The following C12orf42 variants were observed in gnomAD, a reference collection of about 807,000 sequenced individuals.
C12orf42 encodes chromosome 12 open reading frame 42.
Under a neutral mutation model 21.6 loss-of-function variants are expected in C12orf42, and 25 were observed. The observed-to-expected ratio is 1.16, with a 90% confidence interval of 0.84 to 1.62. C12orf42 has a LOEUF of 1.62. Among genes scored for constraint, C12orf42 ranks in the 40% most tolerant of loss-of-function variants. C12orf42 has a pLI of 0.00. For missense variants in C12orf42, 483 were observed against 459.3 expected (o/e 1.05, Z -0.47); for synonymous variants, 174 against 175.0 (o/e 0.99, Z 0.05).
chr12:103,456,668 C>T (rs1377128187), intron 2 of C12orf42, among the ~76,000 whole-genome samples: 1 of 152,104 alleles, frequency 6.6e-6, no homozygotes, highest in Non-Finnish European at 1.5e-5. Flanking sequence ...TGATGTCTGC[C>T]TGTATATGTG....
At chr12:103,340,396 T>C (rs1566109471) in intron 4 of C12orf42, among the ~76,000 whole-genome samples, 1 of 152,370 alleles carries the variant, frequency 6.6e-6, no homozygotes, top group East Asian at 1.9e-4. Flanking sequence ...CACTGGATAG[T>C]GTGCTCAAAA....
intron 2 of C12orf42, among the ~76,000 whole-genome samples, chr12:103,418,381 G>A (rs773094402): frequency 1.3e-5 from 2 of 152,018 alleles, no homozygotes; most frequent in African/African-American, 2.4e-5. Context: ...ATCTTCTTAC[G>A]GAAGATCAGA....
chr12:103,265,530 T>A (rs1245915338), downstream of C12orf42, among the ~76,000 whole-genome samples: 2 of 152,306 alleles, frequency 1.3e-5, no homozygotes, highest in South Asian at 2.1e-4. Context: ...AATTATTAAA[T>A]CAGTTTCACG....
the C12orf42 span, among the ~76,000 whole-genome samples, chr12:103,218,310 C>T: frequency 6.6e-6 from 1 of 152,002 alleles, no homozygotes; most frequent in Non-Finnish European, 1.5e-5. Context: ...TTCTTTCTCC[C>T]CACTAGAATA....
chr12:103,293,958 C>G (rs1237465399), intron 4 of C12orf42, among the ~76,000 whole-genome samples: 1 of 152,132 alleles, frequency 6.6e-6, no homozygotes, highest in African/African-American at 2.4e-5. Context: ...CTAGGTCTCA[C>G]TGAATTAAAA....
chr12:103,406,334 T>C (rs2048423324), intron 2 of C12orf42, among the ~76,000 whole-genome samples: 1 of 152,216 alleles, frequency 6.6e-6, no homozygotes, highest in South Asian at 2.1e-4. Context: ...TGTAGATAGC[T>C]GCTTTCAAGA....
the C12orf42 span, among the ~76,000 whole-genome samples, chr12:103,209,197 T>C: frequency 7.9e-5 from 12 of 152,182 alleles, no homozygotes; most frequent in South Asian, 2.1e-3. Context: ...ACTCTTAACA[T>C]CTGTATTTAT....
At chr12:103,060,889 A>G in the C12orf42 span, among the ~76,000 whole-genome samples, 2 of 152,244 alleles carry the variant, frequency 1.3e-5, no homozygotes, top group African/African-American at 4.8e-5. Context: ...AACCTATGCA[A>G]TACTATTCAG....
chr12:103,528,412 T>G, the C12orf42 span, among the ~76,000 whole-genome samples: 5 of 152,170 alleles, frequency 3.3e-5, no homozygotes, highest in Non-Finnish European at 7.4e-5. Flanking sequence ...CCTCTAAGTC[T>G]CATGTTGAAA....
the C12orf42 span, among the ~76,000 whole-genome samples, chr12:103,068,154 C>G: frequency 2.0e-5 from 3 of 152,224 alleles, no homozygotes; most frequent in East Asian, 5.8e-4. Context: ...ACATGATCAG[C>G]TGCAGAAGTG....
the C12orf42 span, among the ~76,000 whole-genome samples, chr12:103,225,770 C>T: frequency 6.6e-6 from 1 of 152,106 alleles, no homozygotes; most frequent in South Asian, 2.1e-4. Flanking sequence ...TCAATACCCA[C>T]AACAGTTATG....
rs781005866 is a variant in C12orf42, at chr12:103,302,480, C to T, written c.711G>A (p.Pro237=). 3.1e-6 allele frequency: 5 copies of T among 1,613,600 alleles called. No homozygotes were observed. Among genetic ancestry groups the T allele is most frequent in the Non-Finnish European group, 3.4e-6 (4 of 1,179,824 alleles). The change falls in exon 6 of 6, where the codon CCG becomes CCA. Residue 237 remains proline (P), a synonymous_variant. Transcript: ENST00000548883. ...CCTCCGGCTCGAGCTCTGTGTTACT[C>T]GGGCCGGTGCTCTGCAGAGCGCCGG... ...QTPGALQSTG[P]SNTELEPEER...
intron 3 of C12orf42, among the ~76,000 whole-genome samples, chr12:103,389,856 A>G (rs2046924563): frequency 6.6e-6 from 1 of 152,170 alleles, no homozygotes; most frequent in Non-Finnish European, 1.5e-5. Flanking sequence ...CTGTTTTCAT[A>G]TCGCCTTGTA....
At chr12:103,312,007 T>A (rs1046673781) in intron 4 of C12orf42, among the ~76,000 whole-genome samples, 1 of 152,242 alleles carries the variant, frequency 6.6e-6, no homozygotes, top group African/African-American at 2.4e-5. Flanking sequence ...CAGGTATCTT[T>A]CTATCGATGG....
chr12:103,069,529 T>C, the C12orf42 span, among the ~76,000 whole-genome samples: 1 of 152,216 alleles, frequency 6.6e-6, no homozygotes, highest in Non-Finnish European at 1.5e-5. Flanking sequence ...AAATATTTTA[T>C]GGCATTTATT....
intron 2 of C12orf42, among the ~76,000 whole-genome samples, chr12:103,442,662 A>G (rs1190418121): frequency 1.3e-5 from 2 of 152,180 alleles, no homozygotes; most frequent in Non-Finnish European, 2.9e-5. Flanking sequence ...TCAGGGCTTT[A>G]TGATCAGAAC....
At chr12:103,427,344 C>T (rs1592755146) in intron 2 of C12orf42, among the ~76,000 whole-genome samples, 1 of 138,686 alleles carries the variant, frequency 7.2e-6, no homozygotes, top group African/African-American at 2.7e-5. Context: ...ATAAAACAGA[C>T]ATTAAGCCAA....
At chr12:103,111,996 A>C in the C12orf42 span, among the ~76,000 whole-genome samples, 1 of 152,198 alleles carries the variant, frequency 6.6e-6, no homozygotes, top group Non-Finnish European at 1.5e-5. Context: ...AATTGCTCCA[A>C]TTTCTGATAA....
At chr12:103,084,347 T>C in the C12orf42 span, among the ~76,000 whole-genome samples, 3 of 152,230 alleles carry the variant, frequency 2.0e-5, no homozygotes, top group African/African-American at 7.2e-5. Context: ...CTGCATGTTT[T>C]CAGCTGGGGA....
Sources: gnomAD v4.1 joint callset for allele counts (sites outside exome capture counted in the v4.1 genomes callset) on GRCh38, gnomAD v4.1.1 for gene constraint, MANE v1.5 for transcripts, NCBI Gene and HGNC (gene_info 2026-07-23, HGNC 2026-07-21) for gene names.